Variants in TXK observed in about 807,000 individuals in gnomAD.
TXK encodes tyrosine-protein kinase TXK.
TXK carries 60 observed loss-of-function variants against 81.0 expected under a neutral mutation model. The observed-to-expected ratio is 0.74, with a 90% confidence interval of 0.60 to 0.92. TXK has a LOEUF of 0.92. Among genes scored for constraint, TXK ranks in the 40% least tolerant of loss-of-function variants. TXK has a pLI of 0.00. For synonymous variants in TXK, 203 were observed against 210.7 expected (o/e 0.96, Z 0.32); for missense variants, 581 against 638.3 (o/e 0.91, Z 0.97).
chr4:48,090,259 G>A (rs1198969004), intron 8 of TXK, among the ~76,000 whole-genome samples: 1 of 152,024 alleles, frequency 6.6e-6, no homozygotes, highest in African/African-American at 2.4e-5. Flanking sequence ...CCAAGATTTC[G>A]CTATTATAAA....
chr4:48,116,291 A>G (rs1404767063), intron 1 of TXK, among the ~76,000 whole-genome samples: 1 of 152,200 alleles, frequency 6.6e-6, no homozygotes, highest in East Asian at 1.9e-4. Flanking sequence ...AATACCAGGT[A>G]TACAGTAAGA....
intron 11 of TXK, among the ~76,000 whole-genome samples, chr4:48,079,706 G>C (rs1717216752): frequency 1.3e-5 from 2 of 152,184 alleles, no homozygotes; most frequent in Non-Finnish European, 2.9e-5. Context: ...CTAGGCAGCA[G>C]GCAAGGTGAA....
intron 1 of TXK, among the ~76,000 whole-genome samples, chr4:48,120,895 T>G (rs889243158): frequency 4.6e-5 from 7 of 152,260 alleles, no homozygotes; most frequent in Admixed American, 1.3e-4. Context: ...CTGCTCTTGT[T>G]AAGGTCACCA....
At chr4:48,120,345 T>C (rs1718924174) in intron 1 of TXK, among the ~76,000 whole-genome samples, 1 of 150,096 alleles carries the variant, frequency 6.7e-6, no homozygotes, top group African/African-American at 2.4e-5. Flanking sequence ...TACACATATA[T>C]ACGTATATAC....
At position 48,095,209 on chromosome 4, in the gene TXK, G is replaced by A. The variant is rs1717937012; in HGVS notation, c.515C>T (p.Ala172Val). ...HLLRQESKEG[A>V]FIVRDSRHLG... ...ATGTCTTGAATCTCTGACAATAAAT[G>A]CACCTTCTTTAGACTGCAAAAAAAA... The change falls in exon 7 of 15, where the codon GCA becomes GTA. Residue 172 changes from alanine (A) to valine (V), a missense_variant. Ala to Val is a moderately conservative substitution (Grantham distance 64). Transcript: ENST00000264316. 2 of 1,613,044 alleles carry A rather than the reference G, an allele frequency of 1.2e-6. No individual in the cohort carries two copies. The highest frequency in any genetic ancestry group is 2.2e-5 in the East Asian group (1 of 44,844).
intron 6 of TXK, 106 bp downstream of exon 6, chr4:48,104,795 T>C (rs1718397975): frequency 1.2e-6 from 1 of 825,808 alleles, no homozygotes; most frequent in East Asian, 2.8e-5. Context: ...TGTAATGATA[T>C]TTTAGAACTA....
intron 14 of TXK, among the ~76,000 whole-genome samples, chr4:48,071,074 A>G (rs1716830993): frequency 6.7e-6 from 1 of 150,056 alleles, no homozygotes; most frequent in Non-Finnish European, 1.5e-5. Flanking sequence ...TAATTTTTGT[A>G]TTTTTAGTAG....
At chr4:48,097,779 G>A (rs1382523835) in intron 6 of TXK, among the ~76,000 whole-genome samples, 11 of 117,978 alleles carry the variant, frequency 9.3e-5, no homozygotes, top group African/African-American at 3.3e-4. Flanking sequence ...ACGGGGTCTC[G>A]CGCTGTTGCC....
intron 5 of TXK, among the ~76,000 whole-genome samples, chr4:48,105,776 A>G (rs2109459335): frequency 6.6e-6 from 1 of 152,252 alleles, no homozygotes. Flanking sequence ...CTCTCTCCTG[A>G]GTCTCCCCTC....
At chr4:48,076,863 A>T (rs1717090478) in intron 11 of TXK, among the ~76,000 whole-genome samples, 2 of 152,192 alleles carry the variant, frequency 1.3e-5, no homozygotes, top group African/African-American at 4.8e-5. Flanking sequence ...TCCTGGCCTC[A>T]AATGACCCAC....
At chr4:48,090,262 A>C (rs1717713260) in intron 8 of TXK, among the ~76,000 whole-genome samples, 1 of 152,238 alleles carries the variant, frequency 6.6e-6, no homozygotes, top group Non-Finnish European at 1.5e-5. Context: ...AGATTTCGCT[A>C]TTATAAAATA....
At position 48,073,970 on chromosome 4, in the gene TXK, T is replaced by C. The variant is rs147630670; in HGVS notation, c.1322A>G (p.Asn441Ser). 2.5e-6 allele frequency: 4 copies of C among 1,613,652 alleles called. No individual in the cohort carries two copies. Among genetic ancestry groups the C allele is most frequent in the South Asian group, 2.2e-5 (2 of 91,038 alleles). The change falls in exon 13 of 15, where the codon AAT becomes AGT. Residue 441 changes from asparagine (N) to serine (S), a missense_variant. Coordinates refer to ENST00000264316, the MANE Select transcript of TXK (RefSeq NM_003328.3). Reference protein sequence around the residue: ...KWSPPEVFLFNKYSSKSDVWS... With the variant: ...KWSPPEVFLFSKYSSKSDVWS... ...GACATCAGATTTACTGCTGTACTTATTGAAAAGAAAAACTTCAGGAGGGGA... is the reference window on the plus strand; with the variant it reads ...GACATCAGATTTACTGCTGTACTTACTGAAAAGAAAAACTTCAGGAGGGGA...
chr4:48,093,967 A>G, intron 8 of TXK, 110 bp downstream of exon 8: 3 of 1,395,534 alleles, frequency 2.1e-6, no homozygotes, highest in Non-Finnish European at 3.0e-6. Flanking sequence ...TCAAGCTTTT[A>G]AACTATTTCT....
At chr4:48,075,622 C>G (rs1016194603) in intron 12 of TXK, among the ~76,000 whole-genome samples, 2 of 152,000 alleles carry the variant, frequency 1.3e-5, no homozygotes, top group Non-Finnish European at 2.9e-5. Flanking sequence ...TGCACTCCAG[C>G]CTGGGTGACA....
At chr4:48,120,243 G>GTA (rs770963712) in intron 1 of TXK, among the ~76,000 whole-genome samples, 5 of 136,618 alleles carry the variant, frequency 3.7e-5, no homozygotes, top group South Asian at 2.2e-4. Flanking sequence ...ATGTATATAC[G>GTA]TATATGTGTA....
At chr4:48,084,819 C>T (rs1488428886) in intron 10 of TXK, among the ~76,000 whole-genome samples, 1 of 58,662 alleles carries the variant, frequency 1.7e-5, no homozygotes, top group East Asian at 2.8e-4. Context: ...GCTCTGCCTT[C>T]GAAAGAGAAT....
At chr4:48,106,625 T>A (rs570864917) in intron 5 of TXK, among the ~76,000 whole-genome samples, 10 of 152,168 alleles carry the variant, frequency 6.6e-5, no homozygotes, top group Admixed American at 4.6e-4. Context: ...GTAAACAGTA[T>A]TGTGTTCTTG....
chr4:48,127,815 A>G (rs1341262046), intron 1 of TXK, among the ~76,000 whole-genome samples: 3 of 152,134 alleles, frequency 2.0e-5, no homozygotes, highest in South Asian at 4.2e-4. Flanking sequence ...TGGCCCTCCC[A>G]TCTTTGGTAT....
At chr4:48,130,645 G>C (rs907678223) in intron 1 of TXK, among the ~76,000 whole-genome samples, 2 of 152,222 alleles carry the variant, frequency 1.3e-5, no homozygotes, top group African/African-American at 4.8e-5. Context: ...GACTGCCTAA[G>C]GGCGTGAATA....
Sources: gnomAD v4.1 joint callset for allele counts (sites outside exome capture counted in the v4.1 genomes callset) on GRCh38, gnomAD v4.1.1 for gene constraint, MANE v1.5 for transcripts, NCBI Gene and HGNC (gene_info 2026-07-23, HGNC 2026-07-21) for gene names.